The following RIMBP2 variants were observed in gnomAD, a reference collection of about 807,000 sequenced individuals.
The protein encoded by RIMBP2 is RIMS-binding protein 2.
In RIMBP2, 48 loss-of-function variants were observed where a neutral mutation model predicts 118.6. That is an observed-to-expected ratio of 0.40 (90% CI 0.32 to 0.51). RIMBP2 has a LOEUF of 0.51. Ranked by LOEUF, RIMBP2 falls within the 20% of genes least tolerant of loss-of-function variation. The probability of loss-of-function intolerance (pLI) is 0.41; values close to 1 mark genes in which losing one functional copy is unlikely to be tolerated. For synonymous variants in RIMBP2, 762 were observed against 742.9 expected (o/e 1.03, Z -0.42); for missense variants, 1,551 against 1,768.3 (o/e 0.88, Z 2.20).
At chr12:130,439,835 A>G (rs1378375307) in intron 11 of RIMBP2, among the ~76,000 whole-genome samples, 2 of 79,950 alleles carry the variant, frequency 2.5e-5, no homozygotes, top group African/African-American at 5.5e-5. Context: ...GTGTGTGTGT[A>G]TGTGTATCTG....
chr12:130,436,725 C>A, intron 13 of RIMBP2, 117 bp downstream of exon 13: 1 of 806,928 alleles, frequency 1.2e-6, no homozygotes, highest in Non-Finnish European at 1.7e-6. Flanking sequence ...CTGAGCGCGG[C>A]CCCCCTCCCT....
intron 2 of RIMBP2, among the ~76,000 whole-genome samples, chr12:130,552,084 C>A (rs2055848757): frequency 6.6e-6 from 1 of 152,192 alleles, no homozygotes. Context: ...GCTTTAACAT[C>A]TATAAGATGC....
intron 18 of RIMBP2, among the ~76,000 whole-genome samples, chr12:130,413,632 CAAAAAAAAAAA>C (rs556135470): frequency 2.3e-4 from 17 of 73,362 alleles, no homozygotes; most frequent in African/African-American, 6.8e-4. Flanking sequence ...GACTCTGTCT[CAAAAAAAAAAA>C]AAAAAAAAAA....
chr12:130,639,714 C>T (rs2062528305), intron 1 of RIMBP2, among the ~76,000 whole-genome samples: 1 of 151,950 alleles, frequency 6.6e-6, no homozygotes, highest in Non-Finnish European at 1.5e-5. Context: ...TCCCAGTCCC[C>T]GAATGGCACC....
intron 1 of RIMBP2, among the ~76,000 whole-genome samples, chr12:130,686,220 C>A (rs2065036318): frequency 6.6e-6 from 1 of 152,212 alleles, no homozygotes; most frequent in South Asian, 2.1e-4. Context: ...CAATAAAACC[C>A]CTCCTTCTGG....
chr12:130,503,206 G>T (rs928104350), intron 4 of RIMBP2, among the ~76,000 whole-genome samples: 1 of 149,660 alleles, frequency 6.7e-6, no homozygotes, highest in African/African-American at 2.5e-5. Flanking sequence ...AGCCAACATC[G>T]CAAAACCCTG....
chr12:130,697,825 A>G (rs546458567), intron 1 of RIMBP2, among the ~76,000 whole-genome samples: 3 of 152,160 alleles, frequency 2.0e-5, no homozygotes, highest in African/African-American at 7.2e-5. Flanking sequence ...CCATCTCTTT[A>G]AAAAAACAAA....
intron 1 of RIMBP2, among the ~76,000 whole-genome samples, chr12:130,695,573 G>A (rs932456721): frequency 6.6e-6 from 1 of 152,188 alleles, no homozygotes; most frequent in Non-Finnish European, 1.5e-5. Flanking sequence ...GGTACATGGT[G>A]AGAGTGGGGA....
At chr12:130,664,437 A>ACACG (rs1566439195) in intron 1 of RIMBP2, among the ~76,000 whole-genome samples, 4 of 89,406 alleles carry the variant, frequency 4.5e-5, no homozygotes, top group Admixed American at 1.2e-4. Flanking sequence ...ACATGCATGC[A>ACACG]CGCACACACG....
rs532502959 is a variant in RIMBP2 at position 130,700,420 on chromosome 12, C to T, written c.-352+15802G>A. Among the ~76,000 whole-genome samples, 7 of 152,168 alleles carry T rather than the reference C, an allele frequency of 4.6e-5. No individual in the cohort carries two copies. The South Asian group carries it at 1.5e-3, about 32-fold the overall frequency. On this transcript the variant is annotated intron_variant, in intron 1 of 22. Coordinates refer to ENST00000690449, the MANE Select transcript of RIMBP2 (RefSeq NM_001393629.1). ...CACTCGAGACCTCAGAATGGGACCT[C>T]ACTTGGAAGTAGGGTTTTTGAAGAT...
In RIMBP2 at chr12:130,605,700, G is replaced by T. The variant is rs552922626; in HGVS notation, c.-217+22622C>A. ...ACAATGCTGTTACATGATTGCGTCT[G>T]TGTGCTGTGTGGGGGTTCATTGTGC... On this transcript the variant is annotated intron_variant, in intron 2 of 22. Transcript: ENST00000690449. Among the ~76,000 whole-genome samples, 10 of 152,328 alleles carry T rather than the reference G, an allele frequency of 6.6e-5. No homozygotes were observed. In the South Asian group the frequency reaches 1.7e-3, roughly 25 times the overall value.
chr12:130,561,302 G>A (rs1054383144), intron 2 of RIMBP2, among the ~76,000 whole-genome samples: 1 of 152,194 alleles, frequency 6.6e-6, no homozygotes, highest in Non-Finnish European at 1.5e-5. Flanking sequence ...TGAATACACA[G>A]AGACACTTAT....
rs567548366 is a variant in RIMBP2 at position 130,523,500 on chromosome 12, G to A, written c.-216-5583C>T. 4.1e-4 allele frequency among the ~76,000 whole-genome samples: 62 copies of A among 152,330 alleles called. No homozygotes were observed. Among genetic ancestry groups the A allele is most frequent in the Non-Finnish European group, 7.9e-4 (54 of 68,030 alleles). ...CACAGTGTCTCCCGAGGCAGCTCAA[G>A]GGCTCGTCAAGGAAGAAACTGGGTC... is the stretch of plus-strand genomic sequence containing the variant. On this transcript the variant is annotated intron_variant, in intron 2 of 22. Coordinates refer to ENST00000690449, the MANE Select transcript of RIMBP2 (RefSeq NM_001393629.1). This position sits in a 1 kb window ranked among gnomAD's most constrained non-coding sequence, Gnocchi z 4.4.
intron 17 of RIMBP2, among the ~76,000 whole-genome samples, chr12:130,417,739 GTTTAT>G (rs935962555): frequency 2.4e-3 from 362 of 152,090 alleles, no homozygotes; most frequent in Middle Eastern, 0.01. Context: ...AAAGTTGAAA[GTTTAT>G]TTTAAGAAAT....
At chr12:130,401,981 C>A (rs2074634158) in intron 21 of RIMBP2, among the ~76,000 whole-genome samples, 1 of 152,214 alleles carries the variant, frequency 6.6e-6, no homozygotes, top group African/African-American at 2.4e-5. Flanking sequence ...GCCAGGCCTC[C>A]AGGCCAGCCC....
chr12:130,627,645 G>A, intron 2 of RIMBP2, among the ~76,000 whole-genome samples: 1 of 152,070 alleles, frequency 6.6e-6, no homozygotes, highest in East Asian at 1.9e-4. Flanking sequence ...CTCATCCTAG[G>A]AAATGGTCCT....
intron 3 of RIMBP2, among the ~76,000 whole-genome samples, chr12:130,510,660 G>C (rs1464186552): frequency 6.6e-6 from 1 of 152,094 alleles, no homozygotes; most frequent in Non-Finnish European, 1.5e-5. Context: ...GGAGAGACAA[G>C]GTTTTGTCAT....
chr12:130,705,440 G>C lies in RIMBP2; in HGVS notation c.-352+10782C>G, dbSNP rs531785444. ...AAAAGGAGGTTCAGTTTCCCCATTT[G>C]TCATGTCCGTGACTGTGGGCCACAG... On this transcript the variant is annotated intron_variant, in intron 1 of 22. Transcript: ENST00000690449. 7.9e-5 allele frequency among the ~76,000 whole-genome samples: 12 copies of C among 152,296 alleles called. 1 individual carries two copies. Among genetic ancestry groups the C allele is most frequent in the African/African-American group, 2.6e-4 (11 of 41,562 alleles).
chr12:130,652,685 TG>T (rs1319811938), intron 1 of RIMBP2, among the ~76,000 whole-genome samples: 1 of 152,220 alleles, frequency 6.6e-6, no homozygotes, highest in African/African-American at 2.4e-5. Flanking sequence ...TACCTGAACC[TG>T]GGTGATTTAT....
Sources: gnomAD v4.1 joint callset for allele counts (sites outside exome capture counted in the v4.1 genomes callset) on GRCh38, gnomAD v4.1.1 for gene constraint, Gnocchi (gnomAD v3.1) non-coding constraint, MANE v1.5 for transcripts, NCBI Gene and HGNC (gene_info 2026-07-23, HGNC 2026-07-21) for gene names.